TPO: variants seen among roughly 807,000 people sequenced by gnomAD.
The protein encoded by TPO is thyroid microsomal antigen.
Under a neutral mutation model 96.9 loss-of-function variants are expected in TPO, and 78 were observed. The ratio of observed to expected loss-of-function variants is 0.81; its 90% CI spans 0.67 to 0.97. TPO has a LOEUF of 0.97. TPO is among the 50% of genes least tolerant of loss of function. The pLI, the probability that TPO is intolerant of heterozygous loss-of-function variation, is 0.00. For missense variants in TPO, 1,252 were observed against 1,274.8 expected (o/e 0.98, Z 0.27); for synonymous variants, 547 against 538.0 (o/e 1.02, Z -0.23).
upstream of TPO, among the ~76,000 whole-genome samples, chr2:1,408,673 A>G (rs1041390631): frequency 4.6e-5 from 7 of 152,218 alleles, no homozygotes; most frequent in Non-Finnish European, 1.0e-4. Context: ...CGTGGGCTCA[A>G]GAAAAGTACA....
chr2:1,414,438 G>T lies in TPO; in HGVS notation c.30G>T (p.Thr10=). ...GAGCGCTCGCTGTGCTGTCTGTCAC[G>T]CTGGTTATGGCCTGCACAGAAGCCT... MRALAVLSV[T]LVMACTEAFF... Residue 10 remains threonine, a synonymous_variant, in exon 2 of 17, where the codon ACG becomes ACT. Coordinates refer to ENST00000329066, the MANE Select transcript of TPO (RefSeq NM_001206744.2). 1 of 1,613,960 alleles carries T rather than the reference G, an allele frequency of 6.2e-7. No homozygotes were observed. The highest frequency in any genetic ancestry group is 1.3e-5 in the African/African-American group (1 of 75,012).
intron 15 of TPO, among the ~76,000 whole-genome samples, chr2:1,525,801 A>G (rs1172403701): frequency 1.4e-5 from 2 of 141,668 alleles, no homozygotes; most frequent in Non-Finnish European, 3.1e-5. Flanking sequence ...AACCTCACCA[A>G]ATTTCCCCGT....
intron 11 of TPO, 117 bp downstream of exon 11, chr2:1,494,156 C>A: frequency 9.4e-7 from 1 of 1,059,266 alleles, no homozygotes; most frequent in Non-Finnish European, 1.5e-6. Context: ...TCAACTCTTA[C>A]GTAAGCCTGG....
chr2:1,465,366 T>C (rs982526165), intron 7 of TPO, among the ~76,000 whole-genome samples: 1 of 152,222 alleles, frequency 6.6e-6, no homozygotes, highest in Admixed American at 6.5e-5. Flanking sequence ...TGCTTAGTCT[T>C]GCTTTGGCTA....
At chr2:1,374,087 C>G (rs1358932829), upstream of TPO, 1 of 152,286 alleles carries the variant, frequency 6.6e-6, no homozygotes, top group Non-Finnish European at 1.5e-5. Context: ...ATGGTCACGG[C>G]GGCCAAGTCT....
chr2:1,508,227 G>A (rs1180847856), intron 14 of TPO, among the ~76,000 whole-genome samples: 2 of 152,088 alleles, frequency 1.3e-5, no homozygotes, highest in Admixed American at 1.3e-4. Context: ...GCATCCCAGG[G>A]ATGAAGCCCA....
At chr2:1,396,291 C>T (rs1330934015) in intron 1 of TPO, among the ~76,000 whole-genome samples, 2 of 152,206 alleles carry the variant, frequency 1.3e-5, no homozygotes, top group Non-Finnish European at 1.5e-5. Flanking sequence ...TTGAAGGGCA[C>T]AGACACTAGA....
intron 10 of TPO, among the ~76,000 whole-genome samples, chr2:1,493,202 G>C (rs1233263471): frequency 7.8e-6 from 1 of 127,630 alleles, no homozygotes; most frequent in Non-Finnish European, 1.7e-5. Context: ...GTGTGTGTGT[G>C]AGTGGGTGGG....
intron 13 of TPO, among the ~76,000 whole-genome samples, chr2:1,500,789 A>T (rs955707001): frequency 1.3e-5 from 2 of 151,894 alleles, no homozygotes; most frequent in African/African-American, 4.8e-5. Context: ...AGATGGTGAA[A>T]CCCCGTCTCT....
Position 1,496,711 on chromosome 2 carries a change from G to A in TPO, c.2332G>A (p.Glu778Lys). Residue 778 changes from glutamate (E) to lysine (K), a missense_variant, in exon 13 of 17, where the codon GAG (glutamate) becomes AAG (lysine). Physicochemically the swap from Glu to Lys is moderately conservative, Grantham distance 56. Coordinates refer to ENST00000329066, the MANE Select transcript of TPO (RefSeq NM_001206744.2). ...GCACGGGTATGAGCTCCAAGGCCGG[G>A]AGCAGCTCACTTGCACCCAGGAAGG... is the stretch of plus-strand genomic sequence containing the variant. The part of the protein sequence containing the change: ...CRHGYELQGR[E>K]QLTCTQEGWD... 6.2e-7 allele frequency: 1 copy of A among 1,614,114 alleles called. No homozygotes were observed. The highest frequency in any genetic ancestry group is 8.5e-7 in the Non-Finnish European group (1 of 1,180,042).
chr2:1,505,730 C>T (rs765625646), intron 14 of TPO, among the ~76,000 whole-genome samples: 2 of 152,030 alleles, frequency 1.3e-5, no homozygotes, highest in South Asian at 4.2e-4. Flanking sequence ...AGTTCCTCCC[C>T]TCATCCTCCA....
chr2:1,390,600 G>C (rs915104405), intron 1 of TPO, among the ~76,000 whole-genome samples: 2 of 152,136 alleles, frequency 1.3e-5, no homozygotes, highest in African/African-American at 4.8e-5. Context: ...TTGAGGGATC[G>C]CCACACTGTC....
intron 15 of TPO, among the ~76,000 whole-genome samples, chr2:1,523,163 C>T (rs1431627052): frequency 6.9e-6 from 1 of 145,282 alleles, no homozygotes; most frequent in Non-Finnish European, 1.5e-5. Context: ...AAATCCCCCA[C>T]ACTGTGTGCA....
chr2:1,540,760 C>A, intron 16 of TPO, 37 bp downstream of exon 16: 3 of 1,613,210 alleles, frequency 1.9e-6, no homozygotes, highest in Non-Finnish European at 2.5e-6. Flanking sequence ...CAGCTGCCAC[C>A]GCAGTGGTTG....
intron 5 of TPO, among the ~76,000 whole-genome samples, chr2:1,445,629 A>G: frequency 7.7e-6 from 1 of 129,088 alleles, no homozygotes; most frequent in Non-Finnish European, 1.6e-5. Flanking sequence ...GTTGGAAGGG[A>G]ATGGGGCAGG....
At chr2:1,380,238 C>CA (rs1289431664) in intron 1 of TPO, among the ~76,000 whole-genome samples, 5 of 151,644 alleles carry the variant, frequency 3.3e-5, no homozygotes, top group African/African-American at 4.8e-5. Flanking sequence ...ACTAAAAATA[C>CA]AAAAAATTAG....
intron 1 of TPO, among the ~76,000 whole-genome samples, chr2:1,383,489 GT>G (rs984694081): frequency 6.6e-6 from 1 of 152,122 alleles, no homozygotes; most frequent in Non-Finnish European, 1.5e-5. Context: ...ATGATGAGCA[GT>G]TTTTCATGTG....
chr2:1,416,711 A>C (rs1662999041), intron 2 of TPO, among the ~76,000 whole-genome samples: 1 of 152,244 alleles, frequency 6.6e-6, no homozygotes, highest in Admixed American at 6.5e-5. Flanking sequence ...CTGAAAAAAT[A>C]TTATGTGTCT....
intron 1 of TPO, among the ~76,000 whole-genome samples, chr2:1,391,534 T>G (rs1662000670): frequency 6.6e-6 from 1 of 152,218 alleles, no homozygotes; most frequent in Non-Finnish European, 1.5e-5. Flanking sequence ...TAAAGTAGTT[T>G]TTTCCAATTC....
Sources: allele counts gnomAD v4.1 joint callset (sites outside exome capture counted in the v4.1 genomes callset), GRCh38; gene constraint gnomAD v4.1.1; transcripts MANE v1.5; gene names NCBI Gene and HGNC (gene_info 2026-07-23, HGNC 2026-07-21).